GK: variants seen among roughly 807,000 people sequenced by gnomAD.
GK encodes ATP:glycerol 3-phosphotransferase.
Under a neutral mutation model 56.4 loss-of-function variants are expected in GK, and 9 were observed. That is an observed-to-expected ratio of 0.16 (90% CI 0.10 to 0.28). The LOEUF is 0.28. GK is among the 10% of genes least tolerant of loss of function. The pLI, the probability that GK is intolerant of heterozygous loss-of-function variation, is 1.00. For missense variants in GK, 161 were observed against 431.4 expected (o/e 0.37, Z 5.55); for synonymous variants, 104 against 144.1 (o/e 0.72, Z 1.99).
Position 30,703,012 on chromosome X carries a change from C to A in GK, c.851+2107C>A, listed in dbSNP as rs569200975. Among the ~76,000 whole-genome samples, 199 of 111,835 alleles carry A rather than the reference C, an allele frequency of 1.8e-3. 1 individual carries two copies. The highest frequency in any genetic ancestry group is 5.9e-3 in the African/African-American group (181 of 30,767). ...ACATTCTTGGAATCTGGGTTCCAGG[C>A]AGCTGGAATCAAGTGCCATGAGAAA... On this transcript the variant is annotated intron_variant, in intron 11 of 20. Coordinates refer to ENST00000427190, the MANE Select transcript of GK (RefSeq NM_001205019.2).
rs1387974223 is a variant in GK, at chrX:30,696,685, T to TA, written c.729+8dup. 2 of 1,173,843 alleles carry TA rather than the reference T, an allele frequency of 1.7e-6. No homozygotes were observed. The highest frequency in any genetic ancestry group is 3.6e-5 in the South Asian group (2 of 54,993). On this transcript the variant is annotated splice_region_variant and intron_variant, in intron 8 of 20. Transcript: ENST00000427190. The stretch of plus-strand genomic sequence containing the variant: ...TCTTCTGAGATCTATGGCCTAATGG[T>TA]AAAAAACAAACAAACAAACAAAAAA...
At chrX:30,704,269 C>T (rs1456359152) in intron 11 of GK, among the ~76,000 whole-genome samples, 1 of 105,521 alleles carries the variant, frequency 9.5e-6, no homozygotes, top group African/African-American at 3.6e-5. Context: ...GTAGCTGATA[C>T]TACAGGTGCA....
chrX:30,723,887 T>C (rs1937020975), intron 18 of GK: 2 of 438,453 alleles, frequency 4.6e-6, no homozygotes, highest in Non-Finnish European at 8.3e-6. Context: ...CCTCCCTGTG[T>C]CCTGTTTCAC....
Position 30,720,840 on chromosome X carries a change from C to T in GK, c.1358-12C>T. 1.7e-6 allele frequency: 2 copies of T among 1,211,616 alleles called. No individual in the cohort carries two copies. The highest frequency in any genetic ancestry group is 2.2e-6 in the Non-Finnish European group (2 of 895,173). The stretch of plus-strand genomic sequence containing the variant: ...TAACCACAAAGATATTGATGGAACT[C>T]TCTCTCCTCAGTGAAGCCCTCAATG... On this transcript the variant is annotated splice_polypyrimidine_tract_variant and intron_variant, in intron 17 of 20. Coordinates refer to ENST00000427190, the MANE Select transcript of GK (RefSeq NM_001205019.2).
chrX:30,662,944 G>A (rs113645121), intron 1 of GK, among the ~76,000 whole-genome samples: 5,507 of 105,550 alleles, frequency 0.052, 170 homozygotes, highest in Non-Finnish European at 0.076. Context: ...GTGCAATGGC[G>A]TGATCTCAGC....
intron 1 of GK, among the ~76,000 whole-genome samples, chrX:30,664,944 A>T (rs1348211226): frequency 2.7e-5 from 3 of 110,253 alleles, no homozygotes; most frequent in Non-Finnish European, 5.7e-5. Context: ...ACCTTAAGTG[A>T]TCTGCCTGCC....
rs1253088571 is a variant in GK, at chrX:30,696,630, C to G, written c.676C>G (p.Pro226Ala). The G allele has an allele frequency of 1.7e-6, 2 of 1,196,150 alleles. No homozygotes were observed. Among genetic ancestry groups the G allele is most frequent in the Non-Finnish European group, 2.3e-6 (2 of 883,232 alleles). The change falls in exon 8 of 21, where the codon CCA becomes GCA. Residue 226 changes from proline (P) to alanine (A), a missense_variant. Coordinates refer to ENST00000427190, the MANE Select transcript of GK (RefSeq NM_001205019.2). ...DKQLCEFFGI[P>A]MEILPNVRSS... ...CTTGTTTTTCAGATTTTTTGGAATT[C>G]CAATGGAAATTCTTCCAAATGTCCG...
chrX:30,712,717 C>CTTTTTTTTTTTTTTTT (rs769269247), intron 13 of GK, among the ~76,000 whole-genome samples: 2 of 48,436 alleles, frequency 4.1e-5, no homozygotes, highest in Admixed American at 2.9e-4. Context: ...TTTTTCTTTT[C>CTTTTTTTTTTTTTTTT]TTTTTTTTTT....
chrX:30,699,375 T>A (rs1216442766), intron 9 of GK, among the ~76,000 whole-genome samples: 1 of 99,809 alleles, frequency 1.0e-5, no homozygotes, highest in East Asian at 3.1e-4. Context: ...ACACTTTTTT[T>A]TTTTTTTTGA....
At chrX:30,715,320 A>G (rs753687490) in intron 13 of GK, among the ~76,000 whole-genome samples, 3 of 112,349 alleles carry the variant, frequency 2.7e-5, no homozygotes, top group South Asian at 3.7e-4. Flanking sequence ...TTTTAATTCA[A>G]TCTTCCTATA....
intron 13 of GK, 93 bp downstream of exon 13, chrX:30,708,227 A>T: frequency 2.0e-6 from 1 of 509,110 alleles, no homozygotes; most frequent in South Asian, 3.3e-5. Flanking sequence ...GTAAATCTTA[A>T]TACAGAGGAC....
chrX:30,698,605 G>A (rs1422718745), intron 9 of GK, among the ~76,000 whole-genome samples: 1 of 109,217 alleles, frequency 9.2e-6, no homozygotes, highest in Non-Finnish European at 1.9e-5. Flanking sequence ...TTGGGAGGCC[G>A]AGGCAGGAGA....
intron 3 of GK, among the ~76,000 whole-genome samples, chrX:30,673,446 C>T (rs1447473287): frequency 1.8e-5 from 2 of 111,890 alleles, no homozygotes; most frequent in Admixed American, 9.5e-5. Context: ...CAGTTGGCAA[C>T]GTTTTCTTTA....
chrX:30,659,108 G>A (rs966166437), intron 1 of GK, among the ~76,000 whole-genome samples: 23 of 111,143 alleles, frequency 2.1e-4, no homozygotes, highest in Admixed American at 4.8e-4. Context: ...CTCAGCTCAC[G>A]GCAACCTCCG....
intron 13 of GK, among the ~76,000 whole-genome samples, chrX:30,710,948 T>G (rs1393605325): frequency 8.9e-6 from 1 of 111,750 alleles, no homozygotes; most frequent in African/African-American, 3.2e-5. Flanking sequence ...AATTGTGTTA[T>G]TTTGTTTAAA....
chrX:30,717,467 A>G (rs1449792560), intron 13 of GK, among the ~76,000 whole-genome samples: 1 of 111,041 alleles, frequency 9.0e-6, no homozygotes, highest in African/African-American at 3.3e-5. Flanking sequence ...CACCCCAAAA[A>G]GAAACCCCAT....
At chrX:30,683,459 T>C (rs902173977) in intron 4 of GK, among the ~76,000 whole-genome samples, 1 of 111,376 alleles carries the variant, frequency 9.0e-6, no homozygotes, top group African/African-American at 3.3e-5. Flanking sequence ...TCAGGGACAC[T>C]TGATAAGCAA....
At chrX:30,691,555 C>T (rs1324147074) in intron 5 of GK, among the ~76,000 whole-genome samples, 1 of 102,212 alleles carries the variant, frequency 9.8e-6, no homozygotes, top group Non-Finnish European at 2.0e-5. Flanking sequence ...TCACCGCAGC[C>T]TCTGCCTCCT....
chrX:30,657,160 A>G (rs1438697980), intron 1 of GK, among the ~76,000 whole-genome samples: 5 of 112,883 alleles, frequency 4.4e-5, no homozygotes, highest in Non-Finnish European at 9.4e-5. Context: ...AGTTAACTGA[A>G]TTTTAATTCT....
Sources: allele counts gnomAD v4.1 joint callset (sites outside exome capture counted in the v4.1 genomes callset), GRCh38; gene constraint gnomAD v4.1.1; transcripts MANE v1.5; gene names NCBI Gene and HGNC (gene_info 2026-07-23, HGNC 2026-07-21).